Variants in EXT1 observed in about 807,000 individuals in gnomAD.
EXT1 encodes the protein exostosin glycosyltransferase 1, also known as exostosin-1.
In EXT1, 20 loss-of-function variants were observed where a neutral mutation model predicts 82.5. That is an observed-to-expected ratio of 0.24 (90% CI 0.17 to 0.35). The LOEUF (loss-of-function observed/expected upper bound fraction) is 0.35. Among genes scored for constraint, EXT1 ranks in the 10% least tolerant of loss-of-function variants. EXT1 has a pLI of 1.00. For missense variants in EXT1, 757 were observed against 936.5 expected (o/e 0.81, Z 2.50); for synonymous variants, 348 against 350.8 (o/e 0.99, Z 0.09).
intron 5 of EXT1, among the ~76,000 whole-genome samples, chr8:117,821,759 T>C (rs999523212): frequency 6.6e-6 from 1 of 152,198 alleles, no homozygotes; most frequent in Non-Finnish European, 1.5e-5. Context: ...TTTCTCAAGT[T>C]TAGAACTGTA....
intron 1 of EXT1, among the ~76,000 whole-genome samples, chr8:117,908,801 C>T (rs1350284758): frequency 6.6e-6 from 1 of 152,026 alleles, no homozygotes; most frequent in East Asian, 1.9e-4. Context: ...TGGCTTCTTG[C>T]ATTCAAAGTG....
At chr8:117,923,494 G>T (rs1813895183) in intron 1 of EXT1, among the ~76,000 whole-genome samples, 1 of 151,556 alleles carries the variant, frequency 6.6e-6, no homozygotes, top group African/African-American at 2.4e-5. Flanking sequence ...AAGGCGGGCA[G>T]ATCACGAGGT....
chr8:117,937,739 C>T (rs896419557), intron 1 of EXT1, among the ~76,000 whole-genome samples: 1 of 152,236 alleles, frequency 6.6e-6, no homozygotes, highest in Non-Finnish European at 1.5e-5. Context: ...TTATGCACTA[C>T]ATGCCAGAGA....
At chr8:118,107,112 A>G (rs1016663660) in intron 1 of EXT1, among the ~76,000 whole-genome samples, 1 of 152,128 alleles carries the variant, frequency 6.6e-6, no homozygotes, top group African/African-American at 2.4e-5. Context: ...ATAATATTCT[A>G]TTTCACCAAA....
chr8:117,844,547 A>T (rs1812323266), intron 1 of EXT1, among the ~76,000 whole-genome samples: 1 of 152,166 alleles, frequency 6.6e-6, no homozygotes, highest in African/African-American at 2.4e-5. Flanking sequence ...AACATATATA[A>T]GTGGGAACCA....
rs557677734 is a variant in EXT1, at chr8:117,833,551, G to T, written c.1164+1893C>A. ...AATCGCTTAAACCCGGGAGGTGGAG[G>T]TTGCAGTGAGCTGAGATCATGCCAT... On this transcript the variant is annotated intron_variant, in intron 3 of 10. Coordinates refer to ENST00000378204, the MANE Select transcript of EXT1 (RefSeq NM_000127.3). Among the ~76,000 whole-genome samples the T allele has an allele frequency of 4.2e-4, 64 of 151,986 alleles. 1 individual carries two copies. The highest frequency in any genetic ancestry group is 1.5e-3 in the African/African-American group (63 of 41,428).
chr8:118,052,961 T>G (rs17505691), intron 1 of EXT1, among the ~76,000 whole-genome samples: 1 of 152,120 alleles, frequency 6.6e-6, no homozygotes, highest in African/African-American at 2.4e-5. Flanking sequence ...CTTGTTTGAA[T>G]TGGGGACACA....
intron 1 of EXT1, among the ~76,000 whole-genome samples, chr8:118,070,014 T>C (rs1042443322): frequency 1.3e-5 from 2 of 152,212 alleles, no homozygotes; most frequent in African/African-American, 2.4e-5. Flanking sequence ...ATTATTTTTA[T>C]ATTGAGAGCC....
intron 1 of EXT1, among the ~76,000 whole-genome samples, chr8:117,965,374 C>T (rs1003478237): frequency 7.9e-5 from 12 of 151,764 alleles, no homozygotes; most frequent in African/African-American, 1.9e-4. Flanking sequence ...GAATCAGTGC[C>T]GCTAGTTGGA....
At position 117,862,172 on chromosome 8, in the gene EXT1, G is replaced by A. The variant is rs1042463524; in HGVS notation, c.963-24971C>T. Among the ~76,000 whole-genome samples the A allele has an allele frequency of 6.9e-5, 10 of 145,960 alleles. 2 individuals carry two copies. The highest frequency in any genetic ancestry group is 6.3e-4 in the Admixed American group (9 of 14,378). ...AAACTCTAGCACAGTCTCAGCTGCT[G>A]TTAAAGAGTCTGAATGGACAGGGCA... is the stretch of plus-strand genomic sequence containing the variant. On this transcript the variant is annotated intron_variant, in intron 1 of 10. Transcript: ENST00000378204.
At chr8:118,009,033 T>C (rs1664169349) in intron 1 of EXT1, among the ~76,000 whole-genome samples, 1 of 151,996 alleles carries the variant, frequency 6.6e-6, no homozygotes, top group African/African-American at 2.4e-5. Flanking sequence ...AACGGGAAAG[T>C]AGGTATTAAT....
At chr8:118,102,347 A>G (rs929989039) in intron 1 of EXT1, among the ~76,000 whole-genome samples, 1 of 152,120 alleles carries the variant, frequency 6.6e-6, no homozygotes, top group African/African-American at 2.4e-5. Context: ...GGGTTAGAAA[A>G]AAAAAAAAAA....
At chr8:117,942,903 G>C (rs1455839865) in intron 1 of EXT1, among the ~76,000 whole-genome samples, 1 of 152,198 alleles carries the variant, frequency 6.6e-6, no homozygotes, top group Admixed American at 6.5e-5. Context: ...AGCAGTCAAA[G>C]TGATCCTGGG....
At chr8:117,828,578 G>A (rs1812046102) in intron 4 of EXT1, among the ~76,000 whole-genome samples, 1 of 152,028 alleles carries the variant, frequency 6.6e-6, no homozygotes, top group Admixed American at 6.6e-5. Context: ...CTTTAAGAAG[G>A]GCCTAGGAAG....
chr8:118,022,905 C>CT (rs1387104159), intron 1 of EXT1, among the ~76,000 whole-genome samples: 2 of 152,064 alleles, frequency 1.3e-5, no homozygotes, highest in Non-Finnish European at 1.5e-5. Flanking sequence ...CAGTATAAGG[C>CT]TTAGCACCCA....
intron 1 of EXT1, among the ~76,000 whole-genome samples, chr8:117,911,498 A>G (rs927941307): frequency 4.6e-5 from 7 of 152,202 alleles, no homozygotes; most frequent in African/African-American, 1.7e-4. Flanking sequence ...AAAAGTCAGC[A>G]ACCAACATCA....
intron 1 of EXT1, among the ~76,000 whole-genome samples, chr8:118,070,263 T>C (rs1033774832): frequency 6.8e-6 from 1 of 147,782 alleles, no homozygotes; most frequent in African/African-American, 2.5e-5. Flanking sequence ...TGTGTGTGTG[T>C]GTGTGTGTGT....
intron 1 of EXT1, among the ~76,000 whole-genome samples, chr8:117,838,968 G>A (rs1165261485): frequency 6.6e-6 from 1 of 152,128 alleles, no homozygotes; most frequent in African/African-American, 2.4e-5. Context: ...TCCTATTAAT[G>A]TTCTGCATTG....
rs1479119148 is a variant in EXT1 at position 117,905,644 on chromosome 8, G to A, written c.963-68443C>T. 3.9e-5 allele frequency among the ~76,000 whole-genome samples: 6 copies of A among 152,148 alleles called. No homozygotes were observed. In the East Asian group the frequency reaches 1.2e-3, roughly 30 times the overall value. On this transcript the variant is annotated intron_variant, in intron 1 of 10. Transcript: ENST00000378204. Reference sequence around the variant, plus strand: ...TGGCTAACACGGTGAAAGCCCGTCTGTACTAAAAACACAAAAAATTAGCCG... The same window carrying A: ...TGGCTAACACGGTGAAAGCCCGTCTATACTAAAAACACAAAAAATTAGCCG...
Sources: allele counts gnomAD v4.1 joint callset (sites outside exome capture counted in the v4.1 genomes callset), GRCh38; gene constraint gnomAD v4.1.1; transcripts MANE v1.5; gene names NCBI Gene and HGNC (gene_info 2026-07-23, HGNC 2026-07-21).